The following ZNF148 variants were observed in gnomAD, a reference collection of about 807,000 sequenced individuals.
ZNF148 encodes Beta-Enolase Repressor Factor-1.
A neutral mutation model predicts 67.7 loss-of-function variants in ZNF148; 7 were observed. The observed-to-expected ratio is 0.10, with a 90% CI of 0.06 to 0.19. The LOEUF is 0.19. Among genes scored for constraint, ZNF148 ranks in the 10% least tolerant of loss-of-function variants. ZNF148 has a pLI of 1.00. For missense variants in ZNF148, 583 were observed against 947.1 expected, an observed-to-expected ratio of 0.62 and a Z score of 5.05; for synonymous variants, 333 against 330.7, an observed-to-expected ratio of 1.01 and a Z score of -0.08.
Position 125,233,658 on chromosome 3 carries a change from T to C in ZNF148, c.1068A>G (p.Lys356=). ...LPLYSSSTKV[K]DEYMVAEYAV... is the part of the protein sequence containing the mutation. ...CATATTCTGCAACCATATACTCATC[T>C]TTTACTTTAGTACTTGAAGAATAAA... Residue 356 remains lysine (K), a synonymous_variant, in exon 9 of 9, where the codon AAA becomes AAG. Coordinates refer to ENST00000360647, the MANE Select transcript of ZNF148 (RefSeq NM_021964.3). The surrounding 1 kb of genome is among the most constrained non-coding windows in gnomAD (Gnocchi z 5.1). The C allele has an allele frequency of 6.2e-7, 1 of 1,614,032 alleles. No individual in the cohort carries two copies. The highest frequency in any genetic ancestry group is 1.6e-4 in the Middle Eastern group (1 of 6,062).
Position 125,261,825 on chromosome 3 carries a change from G to GT in ZNF148, c.667+15900dup, listed in dbSNP as rs1553809856. ...AAAATAACCTGACAGGGGTTGACAA[G>GT]TTTTTTTTTTTTTTTTTTTAACACA... On this transcript the variant is annotated intron_variant, in intron 7 of 8. Coordinates refer to ENST00000360647, the MANE Select transcript of ZNF148 (RefSeq NM_021964.3). Among the ~76,000 whole-genome samples, 501 of 138,970 alleles carry GT rather than the reference G, an allele frequency of 3.6e-3. 2 individuals are homozygous for GT. Among genetic ancestry groups the GT allele is most frequent in the South Asian group, 9.3e-3 (40 of 4,312 alleles). The allele number at this position is 138,970 out of a possible 152,430, so 91.2% of individuals were successfully genotyped here.
chr3:125,288,109 G>T lies in ZNF148; in HGVS notation c.453C>A (p.Pro151=). The change falls in exon 5 of 9, where the codon CCC becomes CCA. Residue 151 remains proline, a synonymous_variant. Transcript: ENST00000360647. ...QKKKKRKQRS[P]AKILTINEDG... is the part of the protein sequence containing the mutation. ...CCTTAATACATTGTCTTACTTTTGC[G>T]GGAGAACGTTGTTTCCGCTTCTTCT... is the stretch of plus-strand genomic sequence containing the variant. 1 of 1,613,678 alleles carries T rather than the reference G, an allele frequency of 6.2e-7. No individual in the cohort carries two copies. Among genetic ancestry groups the T allele is most frequent in the Middle Eastern group, 1.7e-4 (1 of 6,054 alleles).
At chr3:125,343,112 C>T (rs1356308285) in intron 1 of ZNF148, among the ~76,000 whole-genome samples, 1 of 152,130 alleles carries the variant, frequency 6.6e-6, no homozygotes, top group Non-Finnish European at 1.5e-5. Flanking sequence ...AAGATTCATC[C>T]TGGCAATGCT....
intron 1 of ZNF148, among the ~76,000 whole-genome samples, chr3:125,353,729 A>C (rs2107764194): frequency 6.6e-6 from 1 of 152,080 alleles, no homozygotes; most frequent in South Asian, 2.1e-4. Flanking sequence ...TGTAGGGATT[A>C]CAGGCATGAG....
intron 2 of ZNF148, among the ~76,000 whole-genome samples, chr3:125,327,068 A>G (rs1319936222): frequency 6.6e-6 from 1 of 152,054 alleles, no homozygotes; most frequent in African/African-American, 2.4e-5. Context: ...TGGGAAAAAA[A>G]GGATATACTA....
intron 4 of ZNF148, among the ~76,000 whole-genome samples, chr3:125,307,574 C>A (rs148650877): frequency 6.6e-6 from 1 of 152,056 alleles, no homozygotes; most frequent in Non-Finnish European, 1.5e-5. Flanking sequence ...AAACCACTCA[C>A]GTTTTTTAAA....
intron 1 of ZNF148, among the ~76,000 whole-genome samples, chr3:125,373,369 G>A (rs190260764): frequency 2.3e-4 from 35 of 151,752 alleles, no homozygotes; most frequent in African/African-American, 8.0e-4. Context: ...GGGATTACAG[G>A]TGTGAGCCAC....
At chr3:125,274,882 C>T (rs985192785) in intron 7 of ZNF148, among the ~76,000 whole-genome samples, 8 of 151,884 alleles carry the variant, frequency 5.3e-5, no homozygotes, top group African/African-American at 1.5e-4. Context: ...TTTTTAATGC[C>T]GTAACTATTT....
intron 7 of ZNF148, among the ~76,000 whole-genome samples, chr3:125,259,616 G>A (rs1389159172): frequency 6.6e-6 from 1 of 152,112 alleles, no homozygotes; most frequent in East Asian, 1.9e-4. Context: ...CCTATTAAGT[G>A]TAAAATAGCA....
At chr3:125,323,573 A>G (rs1940878437) in intron 2 of ZNF148, 129 bp from the exon 3 acceptor site, 2 of 498,472 alleles carry the variant, frequency 4.0e-6, no homozygotes, top group African/African-American at 2.0e-5. Context: ...TTATGACTGA[A>G]TGACCAATGT....
At chr3:125,296,278 C>T (rs536847051) in intron 4 of ZNF148, among the ~76,000 whole-genome samples, 15 of 152,228 alleles carry the variant, frequency 9.9e-5, no homozygotes, top group Non-Finnish European at 1.8e-4. Flanking sequence ...TGTACCACCA[C>T]GCCCAGCTAA....
intron 7 of ZNF148, among the ~76,000 whole-genome samples, chr3:125,257,239 G>A (rs1937126063): frequency 6.6e-6 from 1 of 151,994 alleles, no homozygotes; most frequent in Non-Finnish European, 1.5e-5. Context: ...TACAGGGACT[G>A]GATTATAATT....
chr3:125,270,735 C>A (rs1937688698), intron 7 of ZNF148, among the ~76,000 whole-genome samples: 1 of 152,094 alleles, frequency 6.6e-6, no homozygotes, highest in African/African-American at 2.4e-5. Context: ...TTTAGCCAGG[C>A]ATGCTGGTGC....
Position 125,375,258 on chromosome 3 carries a change from T to TCCC in ZNF148, c.-393_-391dup, listed in dbSNP as rs1191249730. ...CACCCCTGCGCCTTTCTCCTCTTCC[T>TCCC]CCCCCTCCTCCTCCTCCTCCTCTTC... On this transcript the variant is annotated 5_prime_UTR_variant, in exon 1 of 9. Transcript: ENST00000360647. 2 of 154,064 alleles carry TCCC rather than the reference T, an allele frequency of 1.3e-5. No homozygotes were observed. Among genetic ancestry groups the TCCC allele is most frequent in the Non-Finnish European group, 2.9e-5 (2 of 69,794 alleles). 9.5% of individuals were successfully genotyped at this position (154,064 alleles called of 1,614,324 possible).
intron 4 of ZNF148, among the ~76,000 whole-genome samples, chr3:125,299,661 A>G (rs1265273465): frequency 6.6e-6 from 1 of 152,232 alleles, no homozygotes; most frequent in African/African-American, 2.4e-5. Flanking sequence ...TCAACTCCCT[A>G]AAACAATCTA....
At chr3:125,234,865 C>G (rs1936012844) in intron 7 of ZNF148, among the ~76,000 whole-genome samples, 2 of 152,078 alleles carry the variant, frequency 1.3e-5, no homozygotes, top group Admixed American at 1.3e-4. Context: ...TCAACTCAAG[C>G]CAGCACTTCC....
At chr3:125,275,671 C>T (rs917382289) in intron 7 of ZNF148, among the ~76,000 whole-genome samples, 2 of 152,138 alleles carry the variant, frequency 1.3e-5, no homozygotes, top group African/African-American at 4.8e-5. Context: ...TTAGTAAATT[C>T]TAAACAAACA....
chr3:125,339,131 G>A (rs1941615225), intron 1 of ZNF148, among the ~76,000 whole-genome samples: 1 of 152,040 alleles, frequency 6.6e-6, no homozygotes, highest in Non-Finnish European at 1.5e-5. Context: ...TCCCACCTCA[G>A]CCTCCCAAGT....
At chr3:125,282,837 G>A (rs1938462852) in intron 5 of ZNF148, among the ~76,000 whole-genome samples, 1 of 152,036 alleles carries the variant, frequency 6.6e-6, no homozygotes, top group Non-Finnish European at 1.5e-5. Context: ...CACTGCCACT[G>A]AATAAATGAA....
Sources: gnomAD v4.1 joint callset for allele counts (sites outside exome capture counted in the v4.1 genomes callset) on GRCh38, gnomAD v4.1.1 for gene constraint, Gnocchi (gnomAD v3.1) non-coding constraint, MANE v1.5 for transcripts, NCBI Gene and HGNC (gene_info 2026-07-23, HGNC 2026-07-21) for gene names.